Variants in HIP1 observed in about 807,000 individuals in gnomAD.
The protein encoded by HIP1 is huntingtin-interacting protein 1.
In HIP1, 65 loss-of-function variants were observed where a neutral mutation model predicts 147.6. That is an observed-to-expected ratio of 0.44 (90% confidence interval 0.36 to 0.54). The LOEUF is 0.54. Ranked by LOEUF, HIP1 falls within the 20% of genes least tolerant of loss-of-function variation. The probability of loss-of-function intolerance (pLI) is 0.00; values close to 1 mark genes in which losing one functional copy is unlikely to be tolerated. For synonymous variants in HIP1, 479 were observed against 504.0 expected (o/e 0.95, Z 0.67); for missense variants, 1,061 against 1,299.6 (o/e 0.82, Z 2.82).
chr7:75,722,475 G>A (rs531451454), intron 1 of HIP1, among the ~76,000 whole-genome samples: 13 of 152,154 alleles, frequency 8.5e-5, no homozygotes, highest in Non-Finnish European at 1.8e-4. Context: ...CCACAGCTTG[G>A]AGAAGTAAGA....
chr7:75,616,622 G>A (rs1797677468), intron 1 of HIP1, among the ~76,000 whole-genome samples: 2 of 100,062 alleles, frequency 2.0e-5, no homozygotes, highest in East Asian at 4.2e-4. Context: ...GGAAGAGGAG[G>A]AGGACGAGGA....
intron 1 of HIP1, among the ~76,000 whole-genome samples, chr7:75,734,572 G>A (rs1801955645): frequency 6.6e-6 from 1 of 152,164 alleles, no homozygotes; most frequent in African/African-American, 2.4e-5. Context: ...GCAGGCAAGA[G>A]CAAGACACAG....
rs147074108 is a variant in HIP1, at chr7:75,711,047, T to C, written c.120+27754A>G. Among the ~76,000 whole-genome samples the C allele has an allele frequency of 4.1e-3, 627 of 152,332 alleles. 4 individuals are homozygous for C. Among genetic ancestry groups the C allele is most frequent in the African/African-American group, 0.014 (600 of 41,576 alleles). ...CTGTCTTTTGTCTACCTATGAGAACTGCACACTATCTGTGGCAATATTGTG... is the reference window on the plus strand; with the variant it reads ...CTGTCTTTTGTCTACCTATGAGAACCGCACACTATCTGTGGCAATATTGTG... On this transcript the variant is annotated intron_variant, in intron 1 of 30. Coordinates refer to ENST00000336926, the MANE Select transcript of HIP1 (RefSeq NM_005338.7).
At chr7:75,580,253 T>C (rs1249551180) in intron 7 of HIP1, among the ~76,000 whole-genome samples, 1 of 152,160 alleles carries the variant, frequency 6.6e-6, no homozygotes, top group African/African-American at 2.4e-5. Flanking sequence ...ATCGTGCCCA[T>C]GAGCCAGCCC....
intron 1 of HIP1, among the ~76,000 whole-genome samples, chr7:75,600,340 A>G (rs1796929023): frequency 6.6e-6 from 1 of 152,060 alleles, no homozygotes. Flanking sequence ...CGAACTTCTG[A>G]CCTCAAATGA....
At chr7:75,672,752 A>G (rs1351843907) in intron 1 of HIP1, among the ~76,000 whole-genome samples, 2 of 152,170 alleles carry the variant, frequency 1.3e-5, no homozygotes, top group Non-Finnish European at 2.9e-5. Context: ...TGCTTAATCC[A>G]AGCTCATAAA....
chr7:75,567,887 C>T (rs1421021691), intron 9 of HIP1, among the ~76,000 whole-genome samples: 2 of 152,218 alleles, frequency 1.3e-5, no homozygotes, highest in Non-Finnish European at 2.9e-5. Flanking sequence ...TAGCTCACTG[C>T]AGCCTCGGAC....
chr7:75,616,582 T>C (rs1422544244), intron 1 of HIP1, among the ~76,000 whole-genome samples: 8 of 124,728 alleles, frequency 6.4e-5, no homozygotes, highest in Admixed American at 6.3e-4. Context: ...TTTTTAAGGG[T>C]GGGGAGGAGG....
chr7:75,689,902 G>A lies in HIP1; in HGVS notation c.120+48899C>T, dbSNP rs1554517952. Among the ~76,000 whole-genome samples the A allele has an allele frequency of 2.6e-5, 4 of 152,122 alleles. 1 individual carries two copies. The South Asian group carries it at 6.2e-4, about 24-fold the overall frequency. On this transcript the variant is annotated intron_variant, in intron 1 of 30. Transcript: ENST00000336926. ...CTTGTAAATAGTGTCATCGTCATTC[G>A]TCACTAGGCACACATGGGGATCTGC...
chr7:75,603,334 C>T (rs1052291228), intron 1 of HIP1, among the ~76,000 whole-genome samples: 4 of 107,992 alleles, frequency 3.7e-5, no homozygotes, highest in African/African-American at 1.8e-4. Flanking sequence ...GGTGACAGAG[C>T]GAGACTCTCA....
intron 1 of HIP1, among the ~76,000 whole-genome samples, chr7:75,674,976 A>T (rs1584941648): frequency 6.6e-6 from 1 of 151,272 alleles, no homozygotes; most frequent in East Asian, 1.9e-4. Context: ...ACTACTATTC[A>T]TTTTTCATCG....
intron 1 of HIP1, among the ~76,000 whole-genome samples, chr7:75,613,436 C>G (rs587618052): frequency 1.3e-5 from 2 of 152,102 alleles, no homozygotes; most frequent in East Asian, 3.8e-4. Context: ...TAATAATAAT[C>G]ATCATAGAGC....
At chr7:75,616,465 G>T (rs1415136785) in intron 1 of HIP1, among the ~76,000 whole-genome samples, 1 of 152,082 alleles carries the variant, frequency 6.6e-6, no homozygotes, top group African/African-American at 2.4e-5. Flanking sequence ...TAGAGACCGG[G>T]TCTCACTTTG....
chr7:75,572,608 GGAGGCATGGCCA>G (rs1795684813), intron 8 of HIP1, among the ~76,000 whole-genome samples: 1 of 152,176 alleles, frequency 6.6e-6, no homozygotes, highest in Non-Finnish European at 1.5e-5. Flanking sequence ...GCTGCAGCAG[GGAGGCATGGCCA>G]GGGCTGCACA....
chr7:75,598,622 C>T (rs1350388422), intron 2 of HIP1, among the ~76,000 whole-genome samples: 2 of 151,964 alleles, frequency 1.3e-5, no homozygotes, highest in African/African-American at 4.8e-5. Flanking sequence ...TTCTACAAAG[C>T]TTGAGTCGGC....
intron 1 of HIP1, among the ~76,000 whole-genome samples, chr7:75,618,109 C>T (rs1036321924): frequency 6.6e-6 from 1 of 152,210 alleles, no homozygotes; most frequent in African/African-American, 2.4e-5. Context: ...AACTTCCTCT[C>T]TTCATGCCCT....
intron 11 of HIP1, 96 bp from the exon 12 acceptor site, chr7:75,562,266 G>A (rs896829872): frequency 3.2e-5 from 26 of 817,072 alleles, no homozygotes; most frequent in East Asian, 2.4e-5. Flanking sequence ...CCCCTTTCTC[G>A]AATTAAACGG....
intron 7 of HIP1, among the ~76,000 whole-genome samples, chr7:75,574,816 C>T (rs1795780702): frequency 6.6e-6 from 1 of 152,122 alleles, no homozygotes; most frequent in African/African-American, 2.4e-5. Flanking sequence ...GAGCTCCTAC[C>T]ATGGCGGACA....
intron 1 of HIP1, among the ~76,000 whole-genome samples, chr7:75,676,448 G>A (rs1449463868): frequency 1.3e-5 from 2 of 152,188 alleles, no homozygotes; most frequent in Non-Finnish European, 2.9e-5. Flanking sequence ...CACGCACATG[G>A]CCATCTGCAC....
Sources: gnomAD v4.1 joint callset for allele counts (sites outside exome capture counted in the v4.1 genomes callset) on GRCh38, gnomAD v4.1.1 for gene constraint, MANE v1.5 for transcripts, NCBI Gene and HGNC (gene_info 2026-07-23, HGNC 2026-07-21) for gene names.